The following PRAG1 variants were observed in gnomAD, a reference collection of about 807,000 sequenced individuals.
PRAG1 encodes PEAK1 related, kinase-activating pseudokinase 1.
Under a neutral mutation model 95.6 loss-of-function variants are expected in PRAG1, and 110 were observed. The observed-to-expected ratio is 1.15, with a 90% confidence interval of 0.99 to 1.35. PRAG1 has a LOEUF of 1.35. Among genes scored for constraint, PRAG1 ranks in the 40% most tolerant of loss-of-function variants. The probability of loss-of-function intolerance (pLI) is 0.00; values close to 1 mark genes in which losing one functional copy is unlikely to be tolerated. For synonymous variants in PRAG1, 1,052 were observed against 819.4 expected (o/e 1.28, Z -4.85); for missense variants, 2,554 against 1,864.7 (o/e 1.37, Z -6.81).
At chr8:8,346,103 C>T (rs999913630) in intron 3 of PRAG1, among the ~76,000 whole-genome samples, 1 of 152,152 alleles carries the variant, frequency 6.6e-6, no homozygotes, top group African/African-American at 2.4e-5. Flanking sequence ...AGATGTGAGG[C>T]CAAAAGACAA....
At position 8,377,774 on chromosome 8, in the gene PRAG1, G is replaced by C; in HGVS notation, c.635C>G (p.Ala212Gly). The C allele has an allele frequency of 1.2e-6, 2 of 1,614,174 alleles. No homozygotes were observed. Among genetic ancestry groups the C allele is most frequent in the Non-Finnish European group, 1.7e-6 (2 of 1,180,042 alleles). The change falls in exon 3 of 6, where the codon GCT (alanine) becomes GGT (glycine). Residue 212 changes from alanine (A) to glycine (G), a missense_variant. By Grantham distance (60) the Ala-to-Gly change is moderately conservative. Transcript: ENST00000615670. ...STQESFRQKLAAFAGTTSGCH... is the reference protein window; with the variant it reads ...STQESFRQKLGAFAGTTSGCH... Reference sequence around the variant, plus strand: ...GCCAGATGTGGTCCCAGCAAAGGCAGCCAGTTTCTGGCGGAAGCTCTCCTG... The same window carrying C: ...GCCAGATGTGGTCCCAGCAAAGGCACCCAGTTTCTGGCGGAAGCTCTCCTG...
chr8:8,380,624 G>A (rs144042102), intron 2 of PRAG1, among the ~76,000 whole-genome samples: 332 of 152,154 alleles, frequency 2.2e-3, no homozygotes, highest in African/African-American at 7.4e-3. Context: ...GGAAGGCCGA[G>A]GTGGGCAGAT....
At chr8:8,348,817 T>C (rs887365851) in intron 3 of PRAG1, among the ~76,000 whole-genome samples, 7 of 152,222 alleles carry the variant, frequency 4.6e-5, no homozygotes, top group Admixed American at 2.0e-4. Context: ...TTCTAATTGT[T>C]TGATGTGAAA....
At chr8:8,375,349 G>A (rs185458237) in intron 3 of PRAG1, among the ~76,000 whole-genome samples, 1,574 of 152,082 alleles carry the variant, frequency 0.01, 11 homozygotes, top group Non-Finnish European at 0.016. Flanking sequence ...GACTACAGGC[G>A]CCCGCCACCA....
intron 5 of PRAG1, among the ~76,000 whole-genome samples, chr8:8,320,267 G>A (rs547482994): frequency 3.9e-4 from 60 of 152,214 alleles, no homozygotes; most frequent in African/African-American, 1.4e-3. Flanking sequence ...CAAGGAAGAA[G>A]GAACCAGAAG....
Position 8,377,653 on chromosome 8 carries a change from C to T in PRAG1, c.756G>A (p.Glu252=), listed in dbSNP as rs1440195583. The T allele has an allele frequency of 1.4e-5, 22 of 1,613,742 alleles. 1 individual carries two copies. Among genetic ancestry groups the T allele is most frequent in the East Asian group, 2.2e-5 (1 of 44,872 alleles). The change falls in exon 3 of 6, where the codon GAG becomes GAA. Residue 252 remains glutamate, a synonymous_variant. Coordinates refer to ENST00000615670, the MANE Select transcript of PRAG1 (RefSeq NM_001080826.3). ...GGCAGCAGTCCAGGATGGAGCAGTA[C>T]TCTCCACCCTCGCTGTCCCCGGAGG... ...CSPSGDSEGG[E]YCSILDCCPG...
chr8:8,373,228 G>A (rs1440960694), intron 3 of PRAG1, among the ~76,000 whole-genome samples: 1 of 152,096 alleles, frequency 6.6e-6, no homozygotes, highest in Non-Finnish European at 1.5e-5. Context: ...AGACTCTGGG[G>A]TTCCTGGCAC....
At chr8:8,335,556 A>T (rs1006771816) in intron 4 of PRAG1, among the ~76,000 whole-genome samples, 1 of 152,156 alleles carries the variant, frequency 6.6e-6, no homozygotes, top group Non-Finnish European at 1.5e-5. Context: ...ATAAAAAAAA[A>T]GTATTGACTT....
At position 8,319,308 on chromosome 8, in the gene PRAG1, G is replaced by A; in HGVS notation, c.3073-6C>T. 3 of 1,501,102 alleles carry A rather than the reference G, an allele frequency of 2.0e-6. No homozygotes were observed. Among genetic ancestry groups the A allele is most frequent in the Non-Finnish European group, 2.7e-6 (3 of 1,123,312 alleles). The allele number at this position is 1,501,102 out of a possible 1,614,324, so 93.0% of individuals were successfully genotyped here. A position where few individuals can be genotyped will look rare whatever the true frequency, so the allele number is the denominator to read the frequency against. ...GGCTCAGGGGCTTTGCAGATCTGTG[G>A]AGAGAAGAAGAAGTGAAATCAAGAG... On this transcript the variant is annotated splice_region_variant and splice_polypyrimidine_tract_variant and intron_variant, in intron 5 of 5. Coordinates refer to ENST00000615670, the MANE Select transcript of PRAG1 (RefSeq NM_001080826.3).
In PRAG1 at chr8:8,377,786, C is replaced by G; in HGVS notation, c.623G>C (p.Arg208Pro). The G allele has an allele frequency of 1.2e-6, 2 of 1,614,112 alleles. No homozygotes were observed. The highest frequency in any genetic ancestry group is 1.7e-6 in the Non-Finnish European group (2 of 1,180,028). ...CCCAGCAAAGGCAGCCAGTTTCTGGCGGAAGCTCTCCTGGGTGGAGGGCCG... is the reference window on the plus strand; with the variant it reads ...CCCAGCAAAGGCAGCCAGTTTCTGGGGGAAGCTCTCCTGGGTGGAGGGCCG... ...QDRPSTQESF[R>P]QKLAAFAGTT... Residue 208 changes from arginine to proline, a missense_variant, in exon 3 of 6, where the codon CGC becomes CCC. By Grantham distance (103) the Arg-to-Pro change is moderately radical. Coordinates refer to ENST00000615670, the MANE Select transcript of PRAG1 (RefSeq NM_001080826.3).
At chr8:8,353,273 T>A (rs939639912) in intron 3 of PRAG1, among the ~76,000 whole-genome samples, 1 of 152,096 alleles carries the variant, frequency 6.6e-6, no homozygotes, top group Non-Finnish European at 1.5e-5. Context: ...CTAGCACACA[T>A]GGAACTTTTT....
chr8:8,330,276 G>T (rs1245326516), intron 4 of PRAG1, among the ~76,000 whole-genome samples: 1 of 152,150 alleles, frequency 6.6e-6, no homozygotes, highest in African/African-American at 2.4e-5. Context: ...TGAGGGGAGA[G>T]GATCACTTGA....
chr8:8,336,891 C>T lies in PRAG1; in HGVS notation c.2320+2587G>A, dbSNP rs1165607630. 9.5e-4 allele frequency among the ~76,000 whole-genome samples: 105 copies of T among 110,470 alleles called. 2 individuals carry two copies. The highest frequency in any genetic ancestry group is 4.2e-3 in the East Asian group (11 of 2,620). 72.5% of individuals were successfully genotyped at this position (110,470 alleles called of 152,430 possible). A position where few individuals can be genotyped will look rare whatever the true frequency, so the allele number is the denominator to read the frequency against. On this transcript the variant is annotated intron_variant, in intron 4 of 5. Coordinates refer to ENST00000615670, the MANE Select transcript of PRAG1 (RefSeq NM_001080826.3). The stretch of plus-strand genomic sequence containing the variant: ...TACAACTAAAACCTTCCCCCCACTC[C>T]CCTCCCCACACCCCTTTCCCCCCTC...
chr8:8,381,869 T>C, intron 1 of PRAG1, 35 bp from the exon 2 acceptor site: 1 of 732,146 alleles, frequency 1.4e-6, no homozygotes, highest in Non-Finnish European at 2.2e-6. Context: ...ATTAGAGATT[T>C]GCCATGCCAG....
intron 1 of PRAG1, among the ~76,000 whole-genome samples, chr8:8,385,100 C>T (rs894505773): frequency 8.5e-5 from 13 of 152,108 alleles, no homozygotes; most frequent in African/African-American, 3.1e-4. Flanking sequence ...GTTGCTTATG[C>T]CTTATTCTGA....
In PRAG1 at chr8:8,376,994, G is replaced by A; in HGVS notation, c.1415C>T (p.Ala472Val). 2 of 1,613,798 alleles carry A rather than the reference G, an allele frequency of 1.2e-6. No homozygotes were observed. The highest frequency in any genetic ancestry group is 1.7e-6 in the Non-Finnish European group (2 of 1,179,950). Residue 472 changes from alanine to valine, a missense_variant, in exon 3 of 6, where the codon GCC becomes GTC. By Grantham distance (64) the Ala-to-Val change is moderately conservative (BLOSUM62 0). Transcript: ENST00000615670. Reference protein sequence around the residue: ...DSPDPTPQVSATITVMAAHPE... With the variant: ...DSPDPTPQVSVTITVMAAHPE... ...GTGGGCCGCCATGACTGTGATGGTG[G>A]CTGACACCTGGGGAGTTGGGTCTGG...
intron 4 of PRAG1, among the ~76,000 whole-genome samples, chr8:8,332,002 A>G (rs774853951): frequency 1.3e-5 from 2 of 151,924 alleles, no homozygotes; most frequent in Non-Finnish European, 2.9e-5. Context: ...TTATACACAC[A>G]CTCATTAGAG....
chr8:8,384,821 C>G (rs542927550), intron 1 of PRAG1, among the ~76,000 whole-genome samples: 1 of 152,158 alleles, frequency 6.6e-6, no homozygotes, highest in South Asian at 2.1e-4. Flanking sequence ...GAGGCAGCCC[C>G]CAGAATTATG....
chr8:8,377,097 C>T lies in PRAG1; in HGVS notation c.1312G>A (p.Ala438Thr). ...KSQAKIEHAA[A>T]AQGQGQVCTG... ...CATACCTGGCCTTGGCCCTGGGCAG[C>T]AGCTGCATGTTCTATCTTGGCCTGT... The change falls in exon 3 of 6, where the codon GCT becomes ACT. Residue 438 changes from alanine to threonine, a missense_variant. Ala to Thr is a moderately conservative substitution (Grantham distance 58, BLOSUM62 0). Transcript: ENST00000615670. 1.2e-6 allele frequency: 2 copies of T among 1,613,678 alleles called. No homozygotes were observed. The highest frequency in any genetic ancestry group is 1.7e-6 in the Non-Finnish European group (2 of 1,180,028).
Sources: gnomAD v4.1 joint callset for allele counts (sites outside exome capture counted in the v4.1 genomes callset) on GRCh38, gnomAD v4.1.1 for gene constraint, MANE v1.5 for transcripts, NCBI Gene and HGNC (gene_info 2026-07-23, HGNC 2026-07-21) for gene names.